The following COP1 variants were observed in gnomAD, a reference collection of about 807,000 sequenced individuals.
COP1 encodes COP1 E3 ubiquitin ligase, also known as E3 ubiquitin-protein ligase COP1.
A neutral mutation model predicts 101.3 loss-of-function variants in COP1; 24 were observed. The observed-to-expected ratio is 0.24, with a 90% CI of 0.17 to 0.33. The LOEUF is 0.33. COP1 is among the 10% of genes least tolerant of loss of function. The pLI is 1.00. For synonymous variants in COP1, 347 were observed against 341.9 expected (o/e 1.01, Z -0.17); for missense variants, 663 against 906.2 (o/e 0.73, Z 3.45).
chr1:176,099,386 TG>T (rs1190974132), intron 9 of COP1, among the ~76,000 whole-genome samples: 1 of 152,248 alleles, frequency 6.6e-6, no homozygotes, highest in Non-Finnish European at 1.5e-5. Context: ...AACTTTTGCT[TG>T]GAATATTGCT....
intron 18 of COP1, among the ~76,000 whole-genome samples, chr1:175,950,097 T>C (rs1011909407): frequency 3.3e-5 from 5 of 152,126 alleles, no homozygotes; most frequent in African/African-American, 1.2e-4. Context: ...GAATAAACAC[T>C]GTCTTACTGT....
intron 5 of COP1, among the ~76,000 whole-genome samples, chr1:176,156,507 CTG>C (rs1558223028): frequency 2.0e-5 from 3 of 152,156 alleles, no homozygotes; most frequent in East Asian, 1.9e-4. Flanking sequence ...ACTTATTAGA[CTG>C]TGTTTTTAAA....
intron 18 of COP1, among the ~76,000 whole-genome samples, chr1:175,953,482 G>T (rs1160483458): frequency 6.6e-6 from 1 of 152,034 alleles, no homozygotes; most frequent in Non-Finnish European, 1.5e-5. Flanking sequence ...TTTAGGCTGG[G>T]CGCGGTGGCT....
Position 176,027,499 on chromosome 1 carries a change from T to C in COP1, c.1729+73A>G, listed in dbSNP as rs1299595673. On this transcript the variant is annotated intron_variant, in intron 15 of 19. Transcript: ENST00000367669. ...AAACCTACAAAAGAGTTATTTGTTT[T>C]AAAATGCTCTCCTATCCTTACCATG... is the stretch of plus-strand genomic sequence containing the variant. 6 of 888,050 alleles carry C rather than the reference T, an allele frequency of 6.8e-6. No homozygotes were observed. In the East Asian group the frequency reaches 1.2e-4, roughly 18 times the overall value. The allele number at this position is 888,050 out of a possible 1,614,324, so 55.0% of individuals were successfully genotyped here. A position where few individuals can be genotyped will look rare whatever the true frequency, so the allele number is the denominator to read the frequency against.
intron 8 of COP1, among the ~76,000 whole-genome samples, chr1:176,121,764 T>C (rs1687154590): frequency 6.6e-6 from 1 of 152,138 alleles, no homozygotes; most frequent in Admixed American, 6.5e-5. Context: ...TCATGGTATC[T>C]GAATTTCAAG....
chr1:175,957,780 G>T (rs1650861445), intron 18 of COP1, among the ~76,000 whole-genome samples: 1 of 152,062 alleles, frequency 6.6e-6, no homozygotes, highest in Non-Finnish European at 1.5e-5. Context: ...TGGAAACAAG[G>T]GCAATATTAA....
intron 3 of COP1, among the ~76,000 whole-genome samples, chr1:176,164,478 C>T (rs1694795833): frequency 6.6e-6 from 1 of 152,074 alleles, no homozygotes; most frequent in Non-Finnish European, 1.5e-5. Context: ...TCATTCATGC[C>T]CTTGCCAGTG....
intron 5 of COP1, among the ~76,000 whole-genome samples, chr1:176,160,088 A>T (rs1694069287): frequency 6.6e-6 from 1 of 152,066 alleles, no homozygotes; most frequent in African/African-American, 2.4e-5. Context: ...CTCTTCAGAA[A>T]ATAATAGGAA....
intron 11 of COP1, among the ~76,000 whole-genome samples, 158 bp from the exon 12 acceptor site, chr1:176,046,482 AGTT>A (rs1671539117): frequency 6.6e-6 from 1 of 152,110 alleles, no homozygotes; most frequent in Admixed American, 6.5e-5. Flanking sequence ...TCAAATTAAA[AGTT>A]GTTGAGATTT....
At chr1:175,997,294 C>T (rs916919318) in intron 15 of COP1, among the ~76,000 whole-genome samples, 2 of 152,076 alleles carry the variant, frequency 1.3e-5, no homozygotes, top group Admixed American at 1.3e-4. Flanking sequence ...ACCAAAAAAC[C>T]CTAGAAGAAA....
chr1:176,106,187 C>CA lies in COP1; in HGVS notation c.1026+10436dup, dbSNP rs567180437. 2.3e-3 allele frequency among the ~76,000 whole-genome samples: 352 copies of CA among 152,192 alleles called. 2 individuals carry two copies. Among genetic ancestry groups the CA allele is most frequent in the Non-Finnish European group, 4.4e-3 (296 of 67,988 alleles). Reference sequence around the variant, plus strand: ...CTGGGATTACAGGCATACATCACCACACCCTGCTAATTTTTGTATTTTTTG... The same window carrying CA: ...CTGGGATTACAGGCATACATCACCACAACCCTGCTAATTTTTGTATTTTTTG... On this transcript the variant is annotated intron_variant, in intron 9 of 19. Transcript: ENST00000367669.
intron 1 of COP1, among the ~76,000 whole-genome samples, chr1:176,205,407 T>C (rs1352305047): frequency 6.6e-6 from 1 of 152,204 alleles, no homozygotes. Context: ...CTAGAAACCG[T>C]AAGTCTAATC....
chr1:175,993,482 G>A (rs1659220557), intron 15 of COP1, among the ~76,000 whole-genome samples: 1 of 152,154 alleles, frequency 6.6e-6, no homozygotes, highest in Non-Finnish European at 1.5e-5. Flanking sequence ...AGGCAAAGAA[G>A]TTGAAAACTT....
Position 176,023,718 on chromosome 1 carries a change from CAAAAA to C in COP1, c.1729+3849_1729+3853del, listed in dbSNP as rs759455090. On this transcript the variant is annotated intron_variant, in intron 15 of 19. Coordinates refer to ENST00000367669, the MANE Select transcript of COP1 (RefSeq NM_022457.7). ...GGGCAACAAGAGTGAAACTCCATCTCAAAAAAAAAAAAAAAAAAAAAGAAAAGAAA... is the reference window on the plus strand; with the variant it reads ...GGGCAACAAGAGTGAAACTCCATCTCAAAAAAAAAAAAAAAAGAAAAGAAA... Among the ~76,000 whole-genome samples the C allele has an allele frequency of 2.3e-3, 279 of 122,046 alleles. 1 individual carries two copies. The highest frequency in any genetic ancestry group is 5.1e-3 in the Middle Eastern group (1 of 198). 80.1% of individuals were successfully genotyped at this position (122,046 alleles called of 152,430 possible).
chr1:176,184,965 G>A (rs115688905), intron 1 of COP1, among the ~76,000 whole-genome samples: 2 of 151,838 alleles, frequency 1.3e-5, no homozygotes, highest in South Asian at 2.1e-4. Flanking sequence ...ATTTTAACTC[G>A]GCACATAATT....
At chr1:176,178,272 T>C (rs143147614) in intron 2 of COP1, among the ~76,000 whole-genome samples, 6 of 151,356 alleles carry the variant, frequency 4.0e-5, no homozygotes, top group Admixed American at 2.6e-4. Context: ...CCAGGAAATA[T>C]ACATACAAAA....
chr1:176,036,819 C>T (rs74457605), intron 14 of COP1, among the ~76,000 whole-genome samples: 10,568 of 152,108 alleles, frequency 0.069, 459 homozygotes, highest in Admixed American at 0.087. Flanking sequence ...GGCTAAGCTA[C>T]GATTAGAAGT....
At chr1:176,034,996 A>C (rs979303287) in intron 14 of COP1, among the ~76,000 whole-genome samples, 2 of 152,212 alleles carry the variant, frequency 1.3e-5, no homozygotes, top group African/African-American at 4.8e-5. Flanking sequence ...ACAGGACCCA[A>C]CATCTTACAA....
chr1:176,035,585 T>C (rs1255137158), intron 14 of COP1, among the ~76,000 whole-genome samples: 3 of 151,552 alleles, frequency 2.0e-5, no homozygotes, highest in African/African-American at 7.3e-5. Context: ...CCCAAATACA[T>C]TTATGCCCTT....
Sources: allele counts gnomAD v4.1 joint callset (sites outside exome capture counted in the v4.1 genomes callset), GRCh38; gene constraint gnomAD v4.1.1; transcripts MANE v1.5; gene names NCBI Gene and HGNC (gene_info 2026-07-23, HGNC 2026-07-21).